The following LTA4H variants were observed in gnomAD, a reference collection of about 807,000 sequenced individuals.
LTA4H encodes the protein leukotriene A-4 hydrolase.
Under a neutral mutation model 89.8 loss-of-function variants are expected in LTA4H, and 59 were observed. That is an observed-to-expected ratio of 0.66 (90% CI 0.53 to 0.82). The LOEUF (loss-of-function observed/expected upper bound fraction) is 0.82. Ranked by LOEUF, LTA4H falls within the 40% of genes least tolerant of loss-of-function variation. The pLI, the probability that LTA4H is intolerant of heterozygous loss-of-function variation, is 0.00. For synonymous variants in LTA4H, 227 were observed against 253.1 expected (o/e 0.90, Z 0.98); for missense variants, 617 against 727.0 (o/e 0.85, Z 1.74).
chr12:96,008,173 CAT>C (rs748826476), intron 15 of LTA4H, among the ~76,000 whole-genome samples: 34 of 152,278 alleles, frequency 2.2e-4, no homozygotes, highest in African/African-American at 5.1e-4. Flanking sequence ...CAAACCTGCA[CAT>C]GTGTCCCCTG....
At position 96,013,279 on chromosome 12, in the gene LTA4H, C is replaced by T. The variant is rs777058389; in HGVS notation, c.1309-21G>A. ...TCAACCTATGAATAGTAAGAATTCA[C>T]AGTTTACAATAGAATGCCCTTTCCT... On this transcript the variant is annotated intron_variant, in intron 13 of 18. Transcript: ENST00000228740. 3.2e-6 allele frequency: 5 copies of T among 1,564,528 alleles called. No individual in the cohort carries two copies. The African/African-American group carries it at 4.1e-5, about 13-fold the overall frequency.
rs776678392 is a variant in LTA4H, at chr12:96,006,378, G to C, written c.1466C>G (p.Ala489Gly). The C allele has an allele frequency of 1.2e-6, 2 of 1,610,548 alleles. No individual in the cohort carries two copies. Reference sequence around the variant, plus strand: ...AGAAGAGAGATCCTTCAGGTCTGTGGCATTGAATGAATTTAAATCATCTTC... The same window carrying C: ...AGAAGAGAGATCCTTCAGGTCTGTGCCATTGAATGAATTTAAATCATCTTC... ...AKEDDLNSFN[A>G]TDLKDLSSHQ... The change falls in exon 16 of 19, where the codon GCC becomes GGC. Residue 489 changes from alanine (A) to glycine (G), a missense_variant. Coordinates refer to ENST00000228740, the MANE Select transcript of LTA4H (RefSeq NM_000895.3).
rs776329266 is a variant in LTA4H at position 96,017,034 on chromosome 12, A to G, written c.947+10T>C. On this transcript the variant is annotated intron_variant, in intron 10 of 18. Coordinates refer to ENST00000228740, the MANE Select transcript of LTA4H (RefSeq NM_000895.3). ...ATGAACCAATAAAGAAATAATAACA[A>G]AAATCTTACCAAAAGTGATCCCAAG... 6.3e-7 allele frequency: 1 copy of G among 1,597,660 alleles called. No homozygotes were observed. The highest frequency in any genetic ancestry group is 8.6e-7 in the Non-Finnish European group (1 of 1,165,234).
chr12:96,026,673 G>A (rs1382567891), intron 3 of LTA4H, among the ~76,000 whole-genome samples: 1 of 152,166 alleles, frequency 6.6e-6, no homozygotes, highest in Non-Finnish European at 1.5e-5. Context: ...GACTTGTATT[G>A]AAATTTGAAC....
intron 15 of LTA4H, 69 bp downstream of exon 15, chr12:96,009,025 C>T (rs1003737743): frequency 8.6e-7 from 1 of 1,156,762 alleles, no homozygotes; most frequent in Non-Finnish European, 1.3e-6. Flanking sequence ...AAGTACCCTC[C>T]CTGCTTCATG....
In LTA4H at chr12:96,001,110, C is replaced by A. The variant is rs1420886137; in HGVS notation, c.1719-4G>T. 1.3e-6 allele frequency: 2 copies of A among 1,590,240 alleles called. No homozygotes were observed. The highest frequency in any genetic ancestry group is 4.5e-5 in the East Asian group (2 of 44,624). ...TTTGTCAAAGGCAGCAAGATCCCTGCCAAAAAAGAAAAAATTGAAAAGAAA... is the reference window on the plus strand; with the variant it reads ...TTTGTCAAAGGCAGCAAGATCCCTGACAAAAAAGAAAAAATTGAAAAGAAA... On this transcript the variant is annotated splice_region_variant and splice_polypyrimidine_tract_variant and intron_variant, in intron 18 of 18. Coordinates refer to ENST00000228740, the MANE Select transcript of LTA4H (RefSeq NM_000895.3).
chr12:96,034,953 C>A (rs1183698894), intron 1 of LTA4H, among the ~76,000 whole-genome samples: 1 of 152,188 alleles, frequency 6.6e-6, no homozygotes, highest in Non-Finnish European at 1.5e-5. Context: ...CAGGCCGAAG[C>A]AATGGGGAGG....
chr12:96,024,312 G>A (rs1220333021), intron 4 of LTA4H, among the ~76,000 whole-genome samples, 167 bp downstream of exon 4: 1 of 152,152 alleles, frequency 6.6e-6, no homozygotes, highest in African/African-American at 2.4e-5. Context: ...CTTTAAAGTA[G>A]AGATTCAGAA....
At chr12:96,001,187 A>AGGAGGGAAGGGGTTC in intron 18 of LTA4H, 81 bp from the exon 19 acceptor site, 1 of 840,476 alleles carries the variant, frequency 1.2e-6, no homozygotes, top group Non-Finnish European at 2.0e-6. Flanking sequence ...GAAGAAAGAA[A>AGGAGGGAAGGGGTTC]GGAGGGAAGG....
chr12:96,019,391 G>C (rs12721570), intron 6 of LTA4H, 151 bp from the exon 7 acceptor site: 2 of 631,662 alleles, frequency 3.2e-6, no homozygotes, highest in Non-Finnish European at 5.5e-6. Flanking sequence ...CATGGCGTGA[G>C]CTGCAAACCT....
Position 96,024,509 on chromosome 12 carries a change from A to G in LTA4H, c.450T>C (p.Thr150=), listed in dbSNP as rs762956640. The G allele has an allele frequency of 1.9e-6, 3 of 1,611,538 alleles. No individual in the cohort carries two copies. The highest frequency in any genetic ancestry group is 2.5e-6 in the Non-Finnish European group (3 of 1,178,012). Residue 150 remains threonine (T), a synonymous_variant, in exon 4 of 19, where the codon ACT becomes ACC. Coordinates refer to ENST00000228740, the MANE Select transcript of LTA4H (RefSeq NM_000895.3). ...CAGTATAGGTTAATTTCACAGAAGG[A>G]GTGTCCTGACAAGGAAGGATTGCTC... ...HCRAILPCQD[T]PSVKLTYTAE...
rs2136911713 is a variant in LTA4H at position 96,027,583 on chromosome 12, T to C, written c.291-19A>G. 6.7e-7 allele frequency: 1 copy of C among 1,481,746 alleles called. No homozygotes were observed. The highest frequency in any genetic ancestry group is 2.3e-5 in the East Asian group (1 of 44,060). 91.8% of individuals were successfully genotyped at this position (1,481,746 alleles called of 1,614,324 possible). A position where few individuals can be genotyped will look rare whatever the true frequency, so the allele number is the denominator to read the frequency against. On this transcript the variant is annotated intron_variant, in intron 2 of 18. Coordinates refer to ENST00000228740, the MANE Select transcript of LTA4H (RefSeq NM_000895.3). ...TTGATTTCTGTATGAAACACATAAA[T>C]ATATTAGTAGAGTATGATTCCATCT...
Position 96,017,558 on chromosome 12 carries a change from T to C in LTA4H, c.875A>G (p.Asn292Ser). The C allele has an allele frequency of 6.2e-7, 1 of 1,610,414 alleles. No individual in the cohort carries two copies. The highest frequency in any genetic ancestry group is 1.7e-5 in the Admixed American group (1 of 59,720). Residue 292 changes from asparagine to serine, a missense_variant and splice_region_variant, in exon 9 of 19, where the codon AAT becomes AGT. Physicochemically the swap from Asn to Ser is conservative, Grantham distance 46. Coordinates refer to ENST00000228740, the MANE Select transcript of LTA4H (RefSeq NM_000895.3). ...TLLAGDKSLS[N>S]VIAHEISHSW... ...CCATAATGAAAAAGTTTAACTTACATTGGAGAGTGACTTGTCGCCTGCCTA... is the reference window on the plus strand; with the variant it reads ...CCATAATGAAAAAGTTTAACTTACACTGGAGAGTGACTTGTCGCCTGCCTA...
chr12:96,043,218 G>GA (rs1950701421), intron 1 of LTA4H: 2 of 1,110,604 alleles, frequency 1.8e-6, no homozygotes, highest in African/African-American at 1.5e-5. Context: ...CCCGGGAGGT[G>GA]AATTGAAGGG....
rs746460043 is a variant in LTA4H, at chr12:96,021,079, G to C, written c.638+6C>G. On this transcript the variant is annotated splice_donor_region_variant and intron_variant, in intron 6 of 18. Coordinates refer to ENST00000228740, the MANE Select transcript of LTA4H (RefSeq NM_000895.3). Reference sequence around the variant, plus strand: ...CACAAACCTGAAAATTTTTCCAAAAGCTCACCTGCTTTCTAAAGCTCCAAC... The same window carrying C: ...CACAAACCTGAAAATTTTTCCAAAACCTCACCTGCTTTCTAAAGCTCCAAC... 15 of 1,599,222 alleles carry C rather than the reference G, an allele frequency of 9.4e-6. No homozygotes were observed. The highest frequency in any genetic ancestry group is 5.4e-5 in the Admixed American group (3 of 55,658).
intron 14 of LTA4H, chr12:96,012,945 G>T (rs2540495): frequency 0.32 from 140,646 of 435,750 alleles, 23,208 homozygotes; most frequent in Non-Finnish European, 0.33. Context: ...ATAGCTTATT[G>T]TCTAAATCCC....
At chr12:96,017,832 A>G (rs1950399800) in intron 8 of LTA4H, among the ~76,000 whole-genome samples, 1 of 152,194 alleles carries the variant, frequency 6.6e-6, no homozygotes, top group Non-Finnish European at 1.5e-5. Flanking sequence ...ATTTGTGTCT[A>G]ACTTCCATGA....
intron 11 of LTA4H, 45 bp downstream of exon 11, chr12:96,015,538 C>G (rs1459528596): frequency 1.4e-6 from 2 of 1,379,330 alleles, no homozygotes; most frequent in East Asian, 4.6e-5. Flanking sequence ...TTTTTAACAC[C>G]TATACAACTT....
At chr12:96,003,567 T>C in intron 17 of LTA4H, 1 of 249,722 alleles carries the variant, frequency 4.0e-6, no homozygotes, top group Non-Finnish European at 7.5e-6. Flanking sequence ...GGAGAAAGCC[T>C]ATTTACCACG....
Sources: allele counts gnomAD v4.1 joint callset (sites outside exome capture counted in the v4.1 genomes callset), GRCh38; gene constraint gnomAD v4.1.1; transcripts MANE v1.5; gene names NCBI Gene and HGNC (gene_info 2026-07-23, HGNC 2026-07-21).